Variants in ATAT1 observed in about 807,000 individuals in gnomAD.
ATAT1 encodes the protein alpha tubulin acetyltransferase 1, also known as alpha-tubulin N-acetyltransferase 1.
In ATAT1, 42 loss-of-function variants were observed where a neutral mutation model predicts 57.2. The ratio of observed to expected loss-of-function variants is 0.73; its 90% CI spans 0.57 to 0.95. The LOEUF is 0.95. Among genes scored for constraint, ATAT1 ranks in the 40% least tolerant of loss-of-function variants. The probability of loss-of-function intolerance (pLI) is 0.00; values close to 1 mark genes in which losing one functional copy is unlikely to be tolerated. For synonymous variants in ATAT1, 168 were observed against 187.1 expected (o/e 0.90, Z 0.83); for missense variants, 454 against 523.7 (o/e 0.87, Z 1.30).
In ATAT1 at chr6:30,634,815, CCT is replaced by C. The variant is rs550843613; in HGVS notation, c.502-5561_502-5560del. On this transcript the variant is annotated intron_variant, in intron 6 of 12. Coordinates refer to ENST00000330083, the MANE Select transcript of ATAT1 (RefSeq NM_001031722.4). ...CATCCTGGCTAACATGGTGAAACCC[CCT>C]GTCTACTAAAAATACAAAAAATTAG... Among the ~76,000 whole-genome samples the C allele has an allele frequency of 1.4e-3, 205 of 151,646 alleles. 5 individuals are homozygous for C. In the South Asian group the frequency reaches 0.037, roughly 27 times the overall value.
rs760555918 is a variant in ATAT1 at position 30,628,085 on chromosome 6, C to T, written c.339C>T (p.Tyr113=). 1 of 1,613,062 alleles carries T rather than the reference C, an allele frequency of 6.2e-7. No individual in the cohort carries two copies. The highest frequency in any genetic ancestry group is 8.5e-7 in the Non-Finnish European group (1 of 1,180,024). The change falls in exon 5 of 13, where the codon TAC becomes TAT. Residue 113 remains tyrosine, a synonymous_variant. Transcript: ENST00000330083. ...AACCACTTTGCATCCTGGACTTTTA[C>T]ATCCATGAGTCTGTGCAACGCCATG...
intron 6 of ATAT1, among the ~76,000 whole-genome samples, chr6:30,636,973 G>A (rs905341255): frequency 6.6e-6 from 1 of 151,928 alleles, no homozygotes; most frequent in African/African-American, 2.4e-5. Flanking sequence ...CACCACACCT[G>A]GCTAATTTTT....
chr6:30,645,777 A>C, intron 10 of ATAT1, 118 bp from the exon 11 acceptor site: 1 of 708,980 alleles, frequency 1.4e-6, no homozygotes, highest in Non-Finnish European at 2.2e-6. Flanking sequence ...AGGAATGATA[A>C]TTACCCCCTT....
rs559725768 is a variant in ATAT1 at position 30,642,957 on chromosome 6, G to A, written c.878G>A (p.Arg293His). 12 of 1,613,378 alleles carry A rather than the reference G, an allele frequency of 7.4e-6. No homozygotes were observed. Among genetic ancestry groups the A allele is most frequent in the East Asian group, 2.2e-5 (1 of 44,806 alleles). Residue 293 changes from arginine (R) to histidine (H), a missense_variant, in exon 10 of 13, where the codon CGC becomes CAC. This residue lies in a region of ATAT1 where 216 missense variants were observed against 222.2 expected (regional missense o/e 0.97). Transcript: ENST00000330083. Reference sequence around the variant, plus strand: ...CTCTGCCCCCCACACCCTACCGCCCGCCTTCTGTTGGCTGCTGACCCTGGG... The same window carrying A: ...CTCTGCCCCCCACACCCTACCGCCCACCTTCTGTTGGCTGCTGACCCTGGG...
Position 30,642,837 on chromosome 6 carries a change from A to AG in ATAT1, c.758_759insG (p.His253GlnfsTer47). On this transcript the variant is annotated frameshift_variant, in exon 10 of 13. Coordinates refer to ENST00000330083, the MANE Select transcript of ATAT1 (RefSeq NM_001031722.4). LOFTEE classifies it high-confidence loss of function. ...CCTCGCCGCGCCACACCTCCAGCCC[A>AG]CCCACCCCCCCGCTCCAGCAGCCTG... 1 of 320,346 alleles carries AG rather than the reference A, an allele frequency of 3.1e-6. No homozygotes were observed. The highest frequency in any genetic ancestry group is 5.2e-6 in the Non-Finnish European group (1 of 191,752). 19.8% of individuals were successfully genotyped at this position (320,346 alleles called of 1,614,324 possible).
chr6:30,637,343 C>A (rs1272896330), intron 6 of ATAT1, among the ~76,000 whole-genome samples: 3 of 151,836 alleles, frequency 2.0e-5, no homozygotes, highest in Admixed American at 1.3e-4. Flanking sequence ...ACATTTGAAC[C>A]CATAGCCATT....
At chr6:30,629,754 C>A (rs2127488368) in intron 6 of ATAT1, among the ~76,000 whole-genome samples, 1 of 152,008 alleles carries the variant, frequency 6.6e-6, no homozygotes, top group East Asian at 1.9e-4. Flanking sequence ...CCGTGTTAGC[C>A]AGGATGGTCT....
At chr6:30,637,168 G>C (rs141557712) in intron 6 of ATAT1, among the ~76,000 whole-genome samples, 35 of 152,254 alleles carry the variant, frequency 2.3e-4, no homozygotes, top group Non-Finnish European at 4.6e-4. Context: ...AGTATAGAGT[G>C]TAAATAATAA....
At chr6:30,639,888 CTT>C (rs905690489) in intron 6 of ATAT1, among the ~76,000 whole-genome samples, 5 of 151,936 alleles carry the variant, frequency 3.3e-5, no homozygotes, top group Non-Finnish European at 7.4e-5. Flanking sequence ...AATCCCAGGA[CTT>C]TTGGAGGCTG....
chr6:30,646,560 C>G lies in ATAT1; in HGVS notation c.1147C>G (p.Gln383Glu). The change falls in exon 13 of 13, where the codon CAG becomes GAG. Residue 383 changes from glutamine to glutamate, a missense_variant. By Grantham distance (29) the Gln-to-Glu change is conservative. Transcript: ENST00000330083. ...TCCACAGGCCCCGGCCCCGCCAGCC[C>G]AGTCCTGGACAGTGGGTGGGGACAT... 1 of 1,583,030 alleles carries G rather than the reference C, an allele frequency of 6.3e-7. No homozygotes were observed. Among genetic ancestry groups the G allele is most frequent in the Non-Finnish European group, 8.6e-7 (1 of 1,164,828 alleles).
chr6:30,627,896 G>A lies in ATAT1; in HGVS notation c.270G>A (p.Lys90=). ...TTGGTTTCATCAAAGTTGGATACAA[G>A]AAGCTCTTTGTACTGGTGAGTGTTA... The change falls in exon 4 of 13, where the codon AAG becomes AAA. Residue 90 remains lysine, a synonymous_variant. Coordinates refer to ENST00000330083, the MANE Select transcript of ATAT1 (RefSeq NM_001031722.4). The A allele has an allele frequency of 6.2e-7, 1 of 1,613,024 alleles. No individual in the cohort carries two copies. The highest frequency in any genetic ancestry group is 1.1e-5 in the South Asian group (1 of 91,082).
intron 9 of ATAT1, among the ~76,000 whole-genome samples, chr6:30,642,559 C>T (rs1434553940): frequency 6.6e-6 from 1 of 151,828 alleles, no homozygotes; most frequent in African/African-American, 2.4e-5. Flanking sequence ...AGGAGAATGG[C>T]TTGAACCCAG....
chr6:30,634,538 C>T (rs1200344413), intron 6 of ATAT1, among the ~76,000 whole-genome samples: 1 of 151,262 alleles, frequency 6.6e-6, no homozygotes, highest in Non-Finnish European at 1.5e-5. Context: ...CGTGAGCCAC[C>T]GGCGCCCAGC....
intron 6 of ATAT1, among the ~76,000 whole-genome samples, chr6:30,628,786 G>C (rs761543218): frequency 3.3e-5 from 5 of 151,520 alleles, no homozygotes; most frequent in Non-Finnish European, 5.9e-5. Flanking sequence ...TATATCTTTA[G>C]TGGAGACGGA....
At chr6:30,646,248 C>T in intron 12 of ATAT1, 139 bp downstream of exon 12, 1 of 1,472,760 alleles carries the variant, frequency 6.8e-7, no homozygotes, top group East Asian at 2.5e-5. Context: ...TTCTACCTTA[C>T]ATCCTGCAAG....
Position 30,643,125 on chromosome 6 carries a change from G to T in ATAT1, c.932+114G>T, listed in dbSNP as rs192790586. On this transcript the variant is annotated intron_variant, in intron 10 of 12. Coordinates refer to ENST00000330083, the MANE Select transcript of ATAT1 (RefSeq NM_001031722.4). ...TGGATCAATAAGATGGGTGGCTTGG[G>T]GGGGGTCCTGAAACCTTTCAAGAAA... The T allele has an allele frequency of 2.0e-3, 3,058 of 1,512,452 alleles. 19 individuals are homozygous for T. Among genetic ancestry groups the T allele is most frequent in the Middle Eastern group, 0.016 (63 of 4,010 alleles). The allele number at this position is 1,512,452 out of a possible 1,614,324, so 93.7% of individuals were successfully genotyped here. A position where few individuals can be genotyped will look rare whatever the true frequency, so the allele number is the denominator to read the frequency against.
rs1765823488 is a variant in ATAT1, at chr6:30,642,893, C to T, written c.814C>T (p.Pro272Ser). 1 of 1,612,674 alleles carries T rather than the reference C, an allele frequency of 6.2e-7. No homozygotes were observed. Among genetic ancestry groups the T allele is most frequent in the Non-Finnish European group, 8.5e-7 (1 of 1,179,532 alleles). ...CTCACCAGAACGAGGTCCCCTCCGCCCCTTTGTGCCAGAGCAGGAGCTGCT... is the reference window on the plus strand; with the variant it reads ...CTCACCAGAACGAGGTCCCCTCCGCTCCTTTGTGCCAGAGCAGGAGCTGCT... The change falls in exon 10 of 13, where the codon CCC (proline) becomes TCC (serine). Residue 272 changes from proline (P) to serine (S), a missense_variant. Around this residue, in one of 3 missense-constraint regions of ATAT1, gnomAD observed 216 missense variants for 222.2 expected, o/e 0.97. Coordinates refer to ENST00000330083, the MANE Select transcript of ATAT1 (RefSeq NM_001031722.4).
Position 30,642,912 on chromosome 6 carries a change from A to T in ATAT1, c.833A>T (p.Glu278Val), listed in dbSNP as rs934845928. 1 of 1,577,208 alleles carries T rather than the reference A, an allele frequency of 6.3e-7. No homozygotes were observed. The highest frequency in any genetic ancestry group is 1.7e-5 in the Admixed American group (1 of 57,738). The change falls in exon 10 of 13, where the codon GAG (glutamate) becomes GTG (valine). Residue 278 changes from glutamate to valine, a missense_variant. Around this residue, in one of 3 missense-constraint regions of ATAT1, gnomAD observed 216 missense variants for 222.2 expected, o/e 0.97. Coordinates refer to ENST00000330083, the MANE Select transcript of ATAT1 (RefSeq NM_001031722.4). ...CTCCGCCCCTTTGTGCCAGAGCAGG[A>T]GCTGCTGCGTTCCTTGCGCCTCTGC... is the stretch of plus-strand genomic sequence containing the variant.
chr6:30,642,833 G>GCTCCC lies in ATAT1; in HGVS notation c.755_756insTCCCC (p.His253ProfsTer68). On this transcript the variant is annotated frameshift_variant, in exon 10 of 13. Transcript: ENST00000330083. LOFTEE classifies it high-confidence loss of function. ...GGCCCCTCGCCGCGCCACACCTCCAGCCCACCCACCCCCCCGCTCCAGCAG... is the reference window on the plus strand; with the variant it reads ...GGCCCCTCGCCGCGCCACACCTCCAGCTCCCCCCACCCACCCCCCCGCTCCAGCAG... The GCTCCC allele has an allele frequency of 3.3e-6, 5 of 1,537,878 alleles. No individual in the cohort carries two copies. In the South Asian group the frequency reaches 3.5e-5, roughly 11 times the overall value.
Sources: gnomAD v4.1 joint callset for allele counts (sites outside exome capture counted in the v4.1 genomes callset) on GRCh38, gnomAD v4.1.1 for gene constraint, gnomAD v4.1.1 regional missense constraint, MANE v1.5 for transcripts, NCBI Gene and HGNC (gene_info 2026-07-23, HGNC 2026-07-21) for gene names.